The following AFF3 variants were observed in gnomAD, a reference collection of about 807,000 sequenced individuals.
The protein encoded by AFF3 is AF4/FMR2 family member 3.
In AFF3, 32 loss-of-function variants were observed where a neutral mutation model predicts 129.7. That is an observed-to-expected ratio of 0.25 (90% CI 0.19 to 0.33). The LOEUF is 0.33. Ranked by LOEUF, AFF3 falls within the 10% of genes least tolerant of loss-of-function variation. AFF3 has a pLI of 1.00. For synonymous variants in AFF3, 644 were observed against 635.4 expected, an observed-to-expected ratio of 1.01 and a Z score of -0.20; for missense variants, 1,373 against 1,592.0, an observed-to-expected ratio of 0.86 and a Z score of 2.34.
At chr2:99,922,026 C>G (rs1695890574) in intron 7 of AFF3, among the ~76,000 whole-genome samples, 1 of 152,050 alleles carries the variant, frequency 6.6e-6, no homozygotes, top group South Asian at 2.1e-4. Flanking sequence ...CACTCGCTCA[C>G]TAGAATGAAT....
chr2:99,765,210 C>T (rs1244932795), intron 8 of AFF3, among the ~76,000 whole-genome samples: 1 of 152,158 alleles, frequency 6.6e-6, no homozygotes, highest in Non-Finnish European at 1.5e-5. Context: ...CTAACTGTGG[C>T]TTGCAACAAT....
intron 11 of AFF3, among the ~76,000 whole-genome samples, chr2:99,695,866 T>C (rs1433289081): frequency 7.7e-6 from 1 of 129,420 alleles, no homozygotes; most frequent in Non-Finnish European, 1.5e-5. Flanking sequence ...CCAAAGATGA[T>C]CAATCACAGG....
At position 99,959,731 on chromosome 2, in the gene AFF3, T is replaced by A. The variant is rs929675213; in HGVS notation, c.873+46901A>T. 9.3e-5 allele frequency among the ~76,000 whole-genome samples: 14 copies of A among 149,954 alleles called. 1 individual carries two copies. Among genetic ancestry groups the A allele is most frequent in the African/African-American group, 3.4e-4 (14 of 40,712 alleles). ...TATATATATATATATATGCGATTATTGGCATTTTTCCTCCAAAAATCAGTC... is the reference window on the plus strand; with the variant it reads ...TATATATATATATATATGCGATTATAGGCATTTTTCCTCCAAAAATCAGTC... On this transcript the variant is annotated intron_variant, in intron 7 of 24. Coordinates refer to ENST00000672756, the MANE Select transcript of AFF3 (RefSeq NM_001386135.1).
intron 4 of AFF3, among the ~76,000 whole-genome samples, chr2:100,038,521 T>C (rs1030917994): frequency 6.6e-6 from 1 of 152,080 alleles, no homozygotes; most frequent in Non-Finnish European, 1.5e-5. Context: ...ATATATTTTA[T>C]AAACACAGGA....
rs564650819 is a variant in AFF3, at chr2:99,600,396, T to TC, written c.1371+1038dup. Among the ~76,000 whole-genome samples, 44 of 152,242 alleles carry TC rather than the reference T, an allele frequency of 2.9e-4. 1 individual carries two copies. In the East Asian group the frequency reaches 7.7e-3, roughly 27 times the overall value. ...AAACCTGAAGGAACTGAAGAGCCAC[T>TC]CTGTGAACCTGAGATGGAACCACTG... On this transcript the variant is annotated intron_variant, in intron 14 of 24. Coordinates refer to ENST00000672756, the MANE Select transcript of AFF3 (RefSeq NM_001386135.1).
At chr2:99,912,246 C>A (rs1036161057) in intron 7 of AFF3, among the ~76,000 whole-genome samples, 6 of 152,146 alleles carry the variant, frequency 3.9e-5, no homozygotes, top group African/African-American at 1.4e-4. Context: ...TCCACCTTGA[C>A]CCATGCGAAA....
chr2:99,598,281 A>C (rs1443850552), intron 14 of AFF3, among the ~76,000 whole-genome samples: 1 of 152,154 alleles, frequency 6.6e-6, no homozygotes, highest in African/African-American at 2.4e-5. Flanking sequence ...ACAAAGGCCG[A>C]GTGAGTTCCG....
intron 13 of AFF3, among the ~76,000 whole-genome samples, chr2:99,606,266 A>AAT (rs1558636697): frequency 2.0e-5 from 3 of 152,092 alleles, no homozygotes; most frequent in Admixed American, 6.5e-5. Flanking sequence ...CTGTAAAAAA[A>AAT]ATATATATAT....
At chr2:100,095,773 C>G (rs4069836) in intron 4 of AFF3, among the ~76,000 whole-genome samples, 8 of 150,014 alleles carry the variant, frequency 5.3e-5, no homozygotes, top group African/African-American at 1.7e-4. Flanking sequence ...AATTGTGCAA[C>G]ATTTCCTTGC....
rs78102195 is a variant in AFF3, at chr2:99,678,842, G to A, written c.1092-6253C>T. Among the ~76,000 whole-genome samples, 874 of 152,300 alleles carry A rather than the reference G, an allele frequency of 5.7e-3. 10 individuals are homozygous for A. Among genetic ancestry groups the A allele is most frequent in the African/African-American group, 0.02 (845 of 41,568 alleles). On this transcript the variant is annotated intron_variant, in intron 11 of 24. Coordinates refer to ENST00000672756, the MANE Select transcript of AFF3 (RefSeq NM_001386135.1). ...CCATCATCTCCACTGCTTGGAACACGGGAGGGAAAGTTATACAACTCATTT... is the reference window on the plus strand; with the variant it reads ...CCATCATCTCCACTGCTTGGAACACAGGAGGGAAAGTTATACAACTCATTT...
Position 99,605,072 on chromosome 2 carries a change from C to T in AFF3, c.1185-3451G>A, listed in dbSNP as rs1350397091. Among the ~76,000 whole-genome samples, 3 of 152,220 alleles carry T rather than the reference C, an allele frequency of 2.0e-5. No individual in the cohort carries two copies. The East Asian group carries it at 5.8e-4, about 29-fold the overall frequency. On this transcript the variant is annotated intron_variant, in intron 13 of 24. Coordinates refer to ENST00000672756, the MANE Select transcript of AFF3 (RefSeq NM_001386135.1). ...AAGCGCCCATTCAACAGTTACCATG[C>T]TGCCTGCCTTTAATGGCTGCGGTCC...
In AFF3 at chr2:99,737,774, A is replaced by G. The variant is rs373630261; in HGVS notation, c.1039+6330T>C. ...CTTCCCTTTCCCTTTCTGAAATTCTAGTTAGATGCATGTTAGACTTCCCCA... is the reference window on the plus strand; with the variant it reads ...CTTCCCTTTCCCTTTCTGAAATTCTGGTTAGATGCATGTTAGACTTCCCCA... On this transcript the variant is annotated intron_variant, in intron 10 of 24. Transcript: ENST00000672756. Among the ~76,000 whole-genome samples the G allele has an allele frequency of 9.6e-4, 146 of 151,472 alleles. 1 individual carries two copies. Among genetic ancestry groups the G allele is most frequent in the African/African-American group, 3.4e-3 (140 of 41,196 alleles).
chr2:100,003,391 A>G (rs1681616428), intron 7 of AFF3, among the ~76,000 whole-genome samples: 1 of 152,238 alleles, frequency 6.6e-6, no homozygotes, highest in African/African-American at 2.4e-5. Context: ...AACATTCTAG[A>G]GGGCATGCTT....
At chr2:99,981,676 TC>T (rs1679418198) in intron 7 of AFF3, among the ~76,000 whole-genome samples, 2 of 152,366 alleles carry the variant, frequency 1.3e-5, no homozygotes, top group South Asian at 4.1e-4. Flanking sequence ...TCAGGACCTT[TC>T]CCTATTGTTT....
chr2:99,945,022 A>G (rs894748795), intron 7 of AFF3, among the ~76,000 whole-genome samples: 1 of 152,198 alleles, frequency 6.6e-6, no homozygotes, highest in Non-Finnish European at 1.5e-5. Flanking sequence ...GCACGTAGGC[A>G]CTGTTAGTGC....
chr2:99,949,125 C>T (rs1211843943), intron 7 of AFF3, among the ~76,000 whole-genome samples: 2 of 152,148 alleles, frequency 1.3e-5, no homozygotes, highest in Non-Finnish European at 2.9e-5. Flanking sequence ...AAGCAAGTAA[C>T]TTAGGCTTTG....
chr2:99,980,262 A>G (rs2104500175), intron 7 of AFF3, among the ~76,000 whole-genome samples: 1 of 152,232 alleles, frequency 6.6e-6, no homozygotes, highest in Non-Finnish European at 1.5e-5. Flanking sequence ...TGTCTGGTAC[A>G]CTTGGTTCTT....
intron 7 of AFF3, among the ~76,000 whole-genome samples, chr2:99,853,312 T>C (rs1690283196): frequency 6.6e-6 from 1 of 152,226 alleles, no homozygotes; most frequent in Non-Finnish European, 1.5e-5. Context: ...GAGTACCTTT[T>C]CTTTCCATTG....
intron 4 of AFF3, among the ~76,000 whole-genome samples, chr2:100,042,627 A>C (rs1469695550): frequency 6.6e-6 from 1 of 152,244 alleles, no homozygotes; most frequent in Admixed American, 6.5e-5. Flanking sequence ...TAGCAGCTGC[A>C]TACTTAATTA....
Sources: allele counts gnomAD v4.1 joint callset (sites outside exome capture counted in the v4.1 genomes callset), GRCh38; gene constraint gnomAD v4.1.1; transcripts MANE v1.5; gene names NCBI Gene and HGNC (gene_info 2026-07-23, HGNC 2026-07-21).